Variants in CDH7 observed in about 807,000 individuals in gnomAD.
The protein encoded by CDH7 is cadherin-7.
A neutral mutation model predicts 71.8 loss-of-function variants in CDH7; 25 were observed. The ratio of observed to expected loss-of-function variants is 0.35; its 90% CI spans 0.25 to 0.49. CDH7 has a LOEUF of 0.49. Among genes scored for constraint, CDH7 ranks in the 20% least tolerant of loss-of-function variants. CDH7 has a pLI of 0.99. For missense variants in CDH7, 862 were observed against 974.6 expected (o/e 0.88, Z 1.54); for synonymous variants, 381 against 363.8 (o/e 1.05, Z -0.54).
chr18:65,761,535 CA>C (rs36079642), intron 1 of CDH7, among the ~76,000 whole-genome samples: 7,907 of 124,098 alleles, frequency 0.064, 324 homozygotes, highest in East Asian at 0.27. Flanking sequence ...TCCTCTTCCT[CA>C]AAAAAAAAAA....
In CDH7 at chr18:65,755,643, G is replaced by A. The variant is rs961859273; in HGVS notation, c.-197+4493G>A. ...GGCATCTGCTCAGTCATGAATAGGAGGGGATTAGAATATATTTTCCCCCTT... is the reference window on the plus strand; with the variant it reads ...GGCATCTGCTCAGTCATGAATAGGAAGGGATTAGAATATATTTTCCCCCTT... On this transcript the variant is annotated intron_variant, in intron 1 of 11. Coordinates refer to ENST00000397968, the MANE Select transcript of CDH7 (RefSeq NM_004361.5). Among the ~76,000 whole-genome samples, 5 of 152,146 alleles carry A rather than the reference G, an allele frequency of 3.3e-5. No individual in the cohort carries two copies. In the East Asian group the frequency reaches 9.6e-4, roughly 29 times the overall value.
intron 6 of CDH7, among the ~76,000 whole-genome samples, chr18:65,838,858 G>C (rs993355881): frequency 2.6e-5 from 4 of 152,300 alleles, no homozygotes; most frequent in African/African-American, 9.6e-5. Context: ...CAACCTAGGT[G>C]CCAGAGCAGA....
chr18:65,870,082 AC>A (rs754006019), intron 11 of CDH7, among the ~76,000 whole-genome samples: 2 of 152,204 alleles, frequency 1.3e-5, no homozygotes, highest in African/African-American at 2.4e-5. Flanking sequence ...TTAAGAAAAA[AC>A]AGTAGAATAT....
chr18:65,761,893 C>G (rs568814168), intron 1 of CDH7, among the ~76,000 whole-genome samples: 127 of 152,166 alleles, frequency 8.3e-4, no homozygotes, highest in Non-Finnish European at 1.6e-3. Flanking sequence ...CAACATAATT[C>G]AATTCTATAA....
Position 65,862,757 on chromosome 18 carries a change from A to G in CDH7, c.1704A>G (p.Gly568=). ...YYLPIFIVDS[G]SPSLSSTNTL... is the part of the protein sequence containing the mutation. ...TGCCAATTTTCATTGTGGACAGTGG[A>G]TCTCCCTCACTTAGCAGCACCAACA... The change falls in exon 11 of 12, where the codon GGA becomes GGG. Residue 568 remains glycine (G), a synonymous_variant. Coordinates refer to ENST00000397968, the MANE Select transcript of CDH7 (RefSeq NM_004361.5). 6.2e-7 allele frequency: 1 copy of G among 1,614,122 alleles called. No individual in the cohort carries two copies. The highest frequency in any genetic ancestry group is 8.5e-7 in the Non-Finnish European group (1 of 1,180,008).
At chr18:65,837,734 C>G (rs1254425433) in intron 6 of CDH7, among the ~76,000 whole-genome samples, 2 of 151,950 alleles carry the variant, frequency 1.3e-5, no homozygotes, top group African/African-American at 4.8e-5. Flanking sequence ...GGTCATAACC[C>G]AGGGAAATAA....
chr18:65,872,912 A>G (rs1018038481), intron 11 of CDH7, among the ~76,000 whole-genome samples: 9 of 151,906 alleles, frequency 5.9e-5, no homozygotes, highest in African/African-American at 2.2e-4. Flanking sequence ...TAATTTTAAA[A>G]AATTAAAATG....
intron 4 of CDH7, among the ~76,000 whole-genome samples, chr18:65,820,753 C>CT (rs1259528091): frequency 6.6e-6 from 1 of 152,086 alleles, no homozygotes; most frequent in Non-Finnish European, 1.5e-5. Flanking sequence ...AAGTGAGAAA[C>CT]TTTGACTACC....
rs773285731 is a variant in CDH7, at chr18:65,844,001, C to G, written c.1171C>G (p.Gln391Glu). ...LYPMEVSEAT[Q>E]VGNIIGTVAA... Reference sequence around the variant, plus strand: ...CCCTATGGAGGTGTCGGAAGCTACCCAGGTTGGGAATATCATTGGCACTGT... The same window carrying G: ...CCCTATGGAGGTGTCGGAAGCTACCGAGGTTGGGAATATCATTGGCACTGT... Residue 391 changes from glutamine (Q) to glutamate (E), a missense_variant, in exon 7 of 12, where the codon CAG becomes GAG. By Grantham distance (29) the Gln-to-Glu change is conservative. Transcript: ENST00000397968. 1 of 1,612,906 alleles carries G rather than the reference C, an allele frequency of 6.2e-7. No individual in the cohort carries two copies. The highest frequency in any genetic ancestry group is 1.7e-5 in the Admixed American group (1 of 59,928).
intron 6 of CDH7, among the ~76,000 whole-genome samples, chr18:65,830,515 T>G (rs1276793399): frequency 1.3e-5 from 2 of 151,606 alleles, no homozygotes; most frequent in African/African-American, 4.8e-5. Context: ...ATACATTTCC[T>G]TCCTCCCTTC....
intron 6 of CDH7, among the ~76,000 whole-genome samples, chr18:65,830,248 G>A (rs978599037): frequency 6.6e-6 from 1 of 152,036 alleles, no homozygotes; most frequent in Non-Finnish European, 1.5e-5. Context: ...AACTGCTGTT[G>A]GTAAATAGGA....
chr18:65,772,207 G>A (rs1396446435), intron 2 of CDH7, among the ~76,000 whole-genome samples: 1 of 152,136 alleles, frequency 6.6e-6, no homozygotes, highest in African/African-American at 2.4e-5. Context: ...GTCAAACCAT[G>A]CTTAAATTAG....
In CDH7 at chr18:65,757,131, A is replaced by G. The variant is rs968983159; in HGVS notation, c.-196-5516A>G. The stretch of plus-strand genomic sequence containing the variant: ...TGATTAAGAGCACGATAGTCACTTG[A>G]TCTGTTAAAAGTGGTTTCCTAGAGA... On this transcript the variant is annotated intron_variant, in intron 1 of 11. Coordinates refer to ENST00000397968, the MANE Select transcript of CDH7 (RefSeq NM_004361.5). 6.6e-5 allele frequency among the ~76,000 whole-genome samples: 10 copies of G among 151,940 alleles called. 1 individual carries two copies. The highest frequency in any genetic ancestry group is 2.2e-4 in the African/African-American group (9 of 41,392).
intron 1 of CDH7, among the ~76,000 whole-genome samples, chr18:65,754,425 A>G (rs1428542605): frequency 6.6e-6 from 1 of 152,202 alleles, no homozygotes; most frequent in African/African-American, 2.4e-5. Context: ...TCTTTACGTG[A>G]GAAGTCACAT....
chr18:65,787,748 C>T (rs1316521792), intron 2 of CDH7, among the ~76,000 whole-genome samples: 1 of 152,136 alleles, frequency 6.6e-6, no homozygotes, highest in East Asian at 1.9e-4. Context: ...ATTCTCAGCA[C>T]CTAGCAGATG....
intron 2 of CDH7, among the ~76,000 whole-genome samples, chr18:65,786,759 C>T (rs922436933): frequency 8.5e-5 from 13 of 152,134 alleles, no homozygotes; most frequent in Admixed American, 5.2e-4. Flanking sequence ...TCATAGCTCA[C>T]TGAAGCCCCA....
chr18:65,810,031 T>A lies in CDH7; in HGVS notation c.505+33T>A, dbSNP rs760665191. ...AAGAACACTCTGCTTTTGTAGCTTG[T>A]GGCCGATTTGGGGAGATTTGTATTT... is the stretch of plus-strand genomic sequence containing the variant. On this transcript the variant is annotated intron_variant, in intron 3 of 11. Coordinates refer to ENST00000397968, the MANE Select transcript of CDH7 (RefSeq NM_004361.5). The A allele has an allele frequency of 3.2e-6, 5 of 1,557,880 alleles. No homozygotes were observed. The African/African-American group carries it at 4.1e-5, about 13-fold the overall frequency.
chr18:65,843,768 C>T, intron 6 of CDH7, 44 bp from the exon 7 acceptor site: 1 of 1,459,140 alleles, frequency 6.9e-7, no homozygotes, highest in Non-Finnish European at 9.1e-7. Flanking sequence ...GCTTTGCTGA[C>T]TGTTTAACCG....
intron 1 of CDH7, among the ~76,000 whole-genome samples, chr18:65,761,523 T>C (rs1169842270): frequency 7.1e-6 from 1 of 141,512 alleles, no homozygotes; most frequent in East Asian, 2.1e-4. Flanking sequence ...ACTATATTTT[T>C]CTCCTCTTCC....
Sources: gnomAD v4.1 joint callset for allele counts (sites outside exome capture counted in the v4.1 genomes callset) on GRCh38, gnomAD v4.1.1 for gene constraint, MANE v1.5 for transcripts, NCBI Gene and HGNC (gene_info 2026-07-23, HGNC 2026-07-21) for gene names.